BMERB1: variants seen among roughly 807,000 people sequenced by gnomAD.
BMERB1 encodes bMERB domain containing 1, also known as bMERB domain-containing protein 1.
In BMERB1, 12 loss-of-function variants were observed where a neutral mutation model predicts 23.6. The observed-to-expected ratio is 0.51, with a 90% CI of 0.33 to 0.82. The LOEUF (loss-of-function observed/expected upper bound fraction) is 0.82, where lower values mean the gene tolerates loss of function less well. Among genes scored for constraint, BMERB1 ranks in the 40% least tolerant of loss-of-function variants. The probability of loss-of-function intolerance (pLI) is 0.03; values close to 1 mark genes in which losing one functional copy is unlikely to be tolerated. For missense variants in BMERB1, 247 were observed against 255.4 expected (o/e 0.97, Z 0.22); for synonymous variants, 122 against 96.6 (o/e 1.26, Z -1.54).
In BMERB1 at chr16:15,515,400, G is replaced by C; in HGVS notation, c.202G>C (p.Val68Leu). ...AKIQRLREVL[V>L]RRESELRFMM... Reference sequence around the variant, plus strand: ...AATTCAGCGTCTCCGGGAAGTCTTGGTCCGCCGGGAGTCTGAGCTCAGGTT... The same window carrying C: ...AATTCAGCGTCTCCGGGAAGTCTTGCTCCGCCGGGAGTCTGAGCTCAGGTT... The change falls in exon 2 of 6, where the codon GTC (valine) becomes CTC (leucine). Residue 68 changes from valine to leucine, a missense_variant. Coordinates refer to ENST00000300006, the MANE Select transcript of BMERB1 (RefSeq NM_033201.3). 1 of 1,614,078 alleles carries C rather than the reference G, an allele frequency of 6.2e-7. No homozygotes were observed. The highest frequency in any genetic ancestry group is 8.5e-7 in the Non-Finnish European group (1 of 1,180,024).
At chr16:15,547,315 G>C (rs1276786813) in intron 2 of BMERB1, among the ~76,000 whole-genome samples, 1 of 149,246 alleles carries the variant, frequency 6.7e-6, no homozygotes, top group Non-Finnish European at 1.5e-5. Flanking sequence ...TGCCCAGTAG[G>C]CTCCTTCAGC....
intron 1 of BMERB1, among the ~76,000 whole-genome samples, chr16:15,465,368 T>TG: frequency 6.6e-6 from 1 of 151,732 alleles, no homozygotes; most frequent in Admixed American, 6.6e-5. Context: ...TTTTTTTTTT[T>TG]TTGAGACTGG....
intron 4 of BMERB1, among the ~76,000 whole-genome samples, chr16:15,582,145 C>A (rs8049193): frequency 0.085 from 12,976 of 152,188 alleles, 1,697 homozygotes; most frequent in African/African-American, 0.28. Context: ...CGCCTGTAAT[C>A]CCAGCGCTTC....
intron 1 of BMERB1, among the ~76,000 whole-genome samples, chr16:15,465,261 T>C (rs1291069363): frequency 1.3e-5 from 2 of 151,968 alleles, no homozygotes; most frequent in African/African-American, 4.8e-5. Flanking sequence ...AAATCAGCAA[T>C]TCTCTCCAAA....
intron 2 of BMERB1, among the ~76,000 whole-genome samples, chr16:15,530,469 C>T (rs966823367): frequency 5.9e-5 from 9 of 152,184 alleles, no homozygotes; most frequent in Non-Finnish European, 1.2e-4. Context: ...AGTGCAGTGA[C>T]ACGGTCATAG....
chr16:15,566,101 G>C (rs1041657533), intron 2 of BMERB1, among the ~76,000 whole-genome samples: 1 of 152,176 alleles, frequency 6.6e-6, no homozygotes, highest in African/African-American at 2.4e-5. Flanking sequence ...ATCAAGATGA[G>C]GGTGTAATTA....
At chr16:15,523,465 T>C (rs2051876077) in intron 2 of BMERB1, among the ~76,000 whole-genome samples, 1 of 152,188 alleles carries the variant, frequency 6.6e-6, no homozygotes, top group Admixed American at 6.5e-5. Context: ...CACACCCTCC[T>C]CTACCCAGCA....
chr16:15,572,321 A>G (rs1400639746), intron 3 of BMERB1, among the ~76,000 whole-genome samples: 1 of 152,176 alleles, frequency 6.6e-6, no homozygotes. Flanking sequence ...TTGTAAGGGT[A>G]GTGTGCGCAA....
intron 2 of BMERB1, among the ~76,000 whole-genome samples, chr16:15,537,925 A>G (rs1373886472): frequency 1.3e-5 from 2 of 151,402 alleles, no homozygotes; most frequent in African/African-American, 2.4e-5. Flanking sequence ...TCCCAAAATG[A>G]TGGGATTACA....
intron 2 of BMERB1, among the ~76,000 whole-genome samples, chr16:15,556,439 G>GC (rs2030261163): frequency 6.6e-6 from 1 of 152,174 alleles, no homozygotes; most frequent in African/African-American, 2.4e-5. Context: ...GAGGCTGAGA[G>GC]CAGCAAAGTA....
In BMERB1 at chr16:15,527,046, GCA is replaced by G. The variant is rs367615970; in HGVS notation, c.230+11626_230+11627del. On this transcript the variant is annotated intron_variant, in intron 2 of 5. Transcript: ENST00000300006. ...TTTTATGCACACTTATATGTAGTTT[GCA>G]CACACACTTCTATTTTTTAAATTGT... Among the ~76,000 whole-genome samples the G allele has an allele frequency of 3.5e-4, 52 of 150,694 alleles. 1 individual carries two copies. The East Asian group carries it at 9.1e-3, about 26-fold the overall frequency.
intron 2 of BMERB1, among the ~76,000 whole-genome samples, chr16:15,563,215 C>G (rs541599400): frequency 6.6e-6 from 1 of 152,226 alleles, no homozygotes; most frequent in African/African-American, 2.4e-5. Flanking sequence ...AACTCTATCT[C>G]TATTATAAAG....
At chr16:15,552,076 T>C (rs181558058) in intron 2 of BMERB1, among the ~76,000 whole-genome samples, 2 of 152,106 alleles carry the variant, frequency 1.3e-5, no homozygotes, top group African/African-American at 4.8e-5. Context: ...ACTTCACAGC[T>C]CGCTGGGCCC....
intron 1 of BMERB1, among the ~76,000 whole-genome samples, chr16:15,483,138 A>C (rs1204784504): frequency 1.3e-5 from 2 of 152,172 alleles, no homozygotes; most frequent in African/African-American, 4.8e-5. Context: ...CTAGTCCCAA[A>C]TCATCACATA....
chr16:15,512,037 A>AAAAAAAAAAAAAG, intron 1 of BMERB1, among the ~76,000 whole-genome samples: 1 of 149,272 alleles, frequency 6.7e-6, no homozygotes, highest in Non-Finnish European at 1.5e-5. Context: ...AAAAAAAAAA[A>AAAAAAAAAAAAAG]AGGGGGAATT....
Position 15,581,309 on chromosome 16 carries a change from G to A in BMERB1, c.397G>A (p.Asp133Asn). Reference sequence around the variant, plus strand: ...GCAGAAGAGAGACTTCCTGGTGGACGATGCGGAGGTCGAGCGGTTAAGGTG... The same window carrying A: ...GCAGAAGAGAGACTTCCTGGTGGACAATGCGGAGGTCGAGCGGTTAAGGTG... ...LVQKRDFLVD[D>N]AEVERLREQE... Residue 133 changes from aspartate (D) to asparagine (N), a missense_variant, in exon 4 of 6, where the codon GAT becomes AAT. Physicochemically the swap from Asp to Asn is conservative, Grantham distance 23 (BLOSUM62 1). Transcript: ENST00000300006. The A allele has an allele frequency of 6.2e-7, 1 of 1,614,052 alleles. No homozygotes were observed. The highest frequency in any genetic ancestry group is 8.5e-7 in the Non-Finnish European group (1 of 1,179,972).
chr16:15,584,154 A>G, intron 5 of BMERB1: 1 of 653,698 alleles, frequency 1.5e-6, no homozygotes, highest in East Asian at 2.8e-5. Context: ...GTCCATTAGG[A>G]TATTAAAGTG....
intron 2 of BMERB1, among the ~76,000 whole-genome samples, chr16:15,558,343 G>A (rs1010491947): frequency 6.6e-6 from 1 of 152,180 alleles, no homozygotes; most frequent in African/African-American, 2.4e-5. Context: ...AAGGAGCAGG[G>A]TGGTCTAAAG....
At chr16:15,542,387 C>A (rs2052095232) in intron 2 of BMERB1, among the ~76,000 whole-genome samples, 2 of 152,034 alleles carry the variant, frequency 1.3e-5, no homozygotes, top group Non-Finnish European at 2.9e-5. Flanking sequence ...GTCTTTATCA[C>A]ACATTTGCTC....
Sources: allele counts gnomAD v4.1 joint callset (sites outside exome capture counted in the v4.1 genomes callset), GRCh38; gene constraint gnomAD v4.1.1; transcripts MANE v1.5; gene names NCBI Gene and HGNC (gene_info 2026-07-23, HGNC 2026-07-21).